VPS13A: variants seen among roughly 807,000 people sequenced by gnomAD.
VPS13A encodes vacuolar protein sorting 13 homolog A, also known as intermembrane lipid transfer protein VPS13A.
In VPS13A, 264 loss-of-function variants were observed where a neutral mutation model predicts 390.9. The ratio of observed to expected loss-of-function variants is 0.68; its 90% CI spans 0.61 to 0.75. VPS13A has a LOEUF of 0.75. Ranked by LOEUF, VPS13A falls within the 30% of genes least tolerant of loss-of-function variation. The pLI is 0.00. For missense variants in VPS13A, 3,409 were observed against 3,733.9 expected, an observed-to-expected ratio of 0.91 and a Z score of 2.27; for synonymous variants, 1,231 against 1,227.1, an observed-to-expected ratio of 1.00 and a Z score of -0.07.
At chr9:77,247,097 C>G (rs1376615334) in intron 19 of VPS13A, among the ~76,000 whole-genome samples, 162 bp from the exon 20 acceptor site, 1 of 152,066 alleles carries the variant, frequency 6.6e-6, no homozygotes, top group East Asian at 1.9e-4. Context: ...CATGCATTGG[C>G]AGGTATTTTA....
At chr9:77,404,971 T>C (rs1330362075) in intron 69 of VPS13A, among the ~76,000 whole-genome samples, 2 of 151,352 alleles carry the variant, frequency 1.3e-5, no homozygotes, top group Admixed American at 1.3e-4. Flanking sequence ...TCCTTTTCCA[T>C]CCTAGCCAGG....
intron 54 of VPS13A, among the ~76,000 whole-genome samples, chr9:77,355,456 C>T (rs971970576): frequency 3.3e-5 from 5 of 152,180 alleles, no homozygotes; most frequent in African/African-American, 1.2e-4. Context: ...TGCCTTGAGG[C>T]TCTTAGACCT....
chr9:77,188,096 C>T (rs1824456052), intron 1 of VPS13A, among the ~76,000 whole-genome samples: 1 of 152,118 alleles, frequency 6.6e-6, no homozygotes, highest in African/African-American at 2.4e-5. Context: ...TGGCACCTCC[C>T]TATGCACTCC....
In VPS13A at chr9:77,319,655, A is replaced by G. The variant is rs752207144; in HGVS notation, c.5397A>G (p.Pro1799=). ...LEIDQTEDFR[P]WNLGIKMKKK... ...TTGATCAGACTGAGGATTTTAGACCATGGAATCTTGGTATCAAGGTATATC... is the reference window on the plus strand; with the variant it reads ...TTGATCAGACTGAGGATTTTAGACCGTGGAATCTTGGTATCAAGGTATATC... Residue 1799 remains proline (P), a synonymous_variant, in exon 42 of 72, where the codon CCA becomes CCG. Coordinates refer to ENST00000360280, the MANE Select transcript of VPS13A (RefSeq NM_033305.3). The G allele has an allele frequency of 6.2e-7, 1 of 1,603,356 alleles. No homozygotes were observed. Among genetic ancestry groups the G allele is most frequent in the South Asian group, 1.1e-5 (1 of 90,772 alleles).
At chr9:77,306,422 G>T (rs1250022395) in intron 34 of VPS13A, among the ~76,000 whole-genome samples, 3 of 149,324 alleles carry the variant, frequency 2.0e-5, no homozygotes, top group African/African-American at 7.6e-5. Context: ...GTTTGTGTGT[G>T]TGTGTGTGTG....
At chr9:77,379,003 T>C (rs929891794) in intron 67 of VPS13A, among the ~76,000 whole-genome samples, 1 of 151,750 alleles carries the variant, frequency 6.6e-6, no homozygotes, top group African/African-American at 2.4e-5. Context: ...TAAATTTCTC[T>C]TATTTACACA....
At chr9:77,391,619 G>A (rs1833904415) in intron 68 of VPS13A, among the ~76,000 whole-genome samples, 1 of 152,092 alleles carries the variant, frequency 6.6e-6, no homozygotes. Context: ...CCCTACGGAA[G>A]CACTATAAAG....
intron 1 of VPS13A, chr9:77,178,130 C>G (rs1564609224): frequency 3.1e-6 from 1 of 327,154 alleles, no homozygotes; most frequent in Non-Finnish European, 5.8e-6. Context: ...ACCCCTGGCC[C>G]CGCACGGTCC....
chr9:77,225,897 G>C, intron 13 of VPS13A, 29 bp from the exon 14 acceptor site: 1 of 1,554,552 alleles, frequency 6.4e-7, no homozygotes, highest in Non-Finnish European at 8.9e-7. Context: ...TTTTTGTAAA[G>C]TTAACACATT....
At chr9:77,272,344 T>A (rs1281141589) in intron 23 of VPS13A, among the ~76,000 whole-genome samples, 1 of 152,168 alleles carries the variant, frequency 6.6e-6, no homozygotes, top group African/African-American at 2.4e-5. Context: ...ACATATATAA[T>A]TTTACTGTTT....
rs115910545 is a variant in VPS13A, at chr9:77,377,653, A to G, written c.9078-4323A>G. ...GGATTCTTTTGGGTTTTCTATATGT[A>G]AGAGTATATCATCTGAGAACTGAGG... is the stretch of plus-strand genomic sequence containing the variant. On this transcript the variant is annotated intron_variant, in intron 67 of 71. Transcript: ENST00000360280. Among the ~76,000 whole-genome samples the G allele has an allele frequency of 5.7e-3, 874 of 152,164 alleles. 10 individuals are homozygous for G. The highest frequency in any genetic ancestry group is 0.02 in the African/African-American group (843 of 41,516).
chr9:77,406,055 A>G (rs1834589429), intron 70 of VPS13A, 68 bp downstream of exon 70: 3 of 1,580,126 alleles, frequency 1.9e-6, no homozygotes, highest in South Asian at 1.1e-5. Flanking sequence ...AGTCCTTTTT[A>G]TTTGTATAAT....
At chr9:77,300,614 C>A (rs1828285002) in intron 33 of VPS13A, among the ~76,000 whole-genome samples, 1 of 152,152 alleles carries the variant, frequency 6.6e-6, no homozygotes, top group Non-Finnish European at 1.5e-5. Flanking sequence ...TGCCTGTCAT[C>A]CCAGATACTT....
chr9:77,377,159 TTA>T (rs1336000452), intron 67 of VPS13A, among the ~76,000 whole-genome samples: 1 of 151,876 alleles, frequency 6.6e-6, no homozygotes, highest in Non-Finnish European at 1.5e-5. Context: ...TGTACGAGTC[TTA>T]TACTTCTTTT....
rs1195660845 is a variant in VPS13A, at chr9:77,318,583, G to A, written c.5305G>A (p.Glu1769Lys). ...CCTAATAAATCTGCACTGTCAGCTT[G>A]AGCTAGAAGTAAGCATATTTTTCCA... ...SSLINLHCQL[E>K]LEVHYYNEMF... is the part of the protein sequence containing the mutation. The change falls in exon 41 of 72, where the codon GAG becomes AAG. Residue 1769 changes from glutamate to lysine, a missense_variant. By Grantham distance (56) the Glu-to-Lys change is moderately conservative (BLOSUM62 1). This residue lies in a region of VPS13A where 2,717 missense variants were observed against 2,917.4 expected (regional missense o/e 0.93). Coordinates refer to ENST00000360280, the MANE Select transcript of VPS13A (RefSeq NM_033305.3). 6.2e-7 allele frequency: 1 copy of A among 1,613,128 alleles called. No individual in the cohort carries two copies.
chr9:77,283,554 T>G lies in VPS13A; in HGVS notation c.3243T>G (p.Asp1081Glu). 6.2e-7 allele frequency: 1 copy of G among 1,613,502 alleles called. No homozygotes were observed. Among genetic ancestry groups the G allele is most frequent in the Non-Finnish European group, 8.5e-7 (1 of 1,179,646 alleles). The part of the protein sequence containing the change: ...NISEIKIEGL[D>E]SEMIMRPSET... ...ATTCTTTTGTTCCCTTAGGGCTTGA[T>G]TCTGAGATGATTATGAGGCCTTCAG... The change falls in exon 31 of 72, where the codon GAT (aspartate) becomes GAG (glutamate). Residue 1081 changes from aspartate (D) to glutamate (E), a missense_variant. Physicochemically the swap from Asp to Glu is conservative, Grantham distance 45. Coordinates refer to ENST00000360280, the MANE Select transcript of VPS13A (RefSeq NM_033305.3).
At chr9:77,288,465 A>G (rs1827467175) in intron 31 of VPS13A, among the ~76,000 whole-genome samples, 1 of 152,074 alleles carries the variant, frequency 6.6e-6, no homozygotes, top group Non-Finnish European at 1.5e-5. Context: ...GATATGTCAT[A>G]TTTTTATTTT....
intron 1 of VPS13A, among the ~76,000 whole-genome samples, chr9:77,199,268 G>C (rs1315103823): frequency 6.6e-6 from 1 of 152,106 alleles, no homozygotes; most frequent in Non-Finnish European, 1.5e-5. Context: ...CTAGGCTTGT[G>C]TGATCCTCCC....
chr9:77,294,940 A>G (rs886807532), intron 32 of VPS13A, among the ~76,000 whole-genome samples: 1 of 151,800 alleles, frequency 6.6e-6, no homozygotes, highest in African/African-American at 2.4e-5. Flanking sequence ...TACTGGCCCC[A>G]TGTTATCCTA....
Sources: allele counts gnomAD v4.1 joint callset (sites outside exome capture counted in the v4.1 genomes callset), GRCh38; gene constraint gnomAD v4.1.1; regional missense constraint gnomAD v4.1.1; transcripts MANE v1.5; gene names NCBI Gene and HGNC (gene_info 2026-07-23, HGNC 2026-07-21).